STAG1: variants seen among roughly 807,000 people sequenced by gnomAD.
STAG1 encodes STAG1 cohesin complex component, also known as cohesin subunit SA-1.
Under a neutral mutation model 170.9 loss-of-function variants are expected in STAG1, and 26 were observed. The observed-to-expected ratio is 0.15, with a 90% confidence interval of 0.11 to 0.21. STAG1 has a LOEUF of 0.21. Among genes scored for constraint, STAG1 ranks in the 10% least tolerant of loss-of-function variants. The pLI is 1.00. For missense variants in STAG1, 964 were observed against 1,509.5 expected (o/e 0.64, Z 5.99); for synonymous variants, 514 against 497.7 (o/e 1.03, Z -0.44).
At chr3:136,408,587 C>T (rs933466205) in intron 21 of STAG1, among the ~76,000 whole-genome samples, 5 of 151,678 alleles carry the variant, frequency 3.3e-5, no homozygotes, top group African/African-American at 1.2e-4. Flanking sequence ...TAAAAGAGTA[C>T]GGCAAGAAGA....
At chr3:136,675,313 T>G (rs907993319) in intron 1 of STAG1, among the ~76,000 whole-genome samples, 5 of 152,170 alleles carry the variant, frequency 3.3e-5, no homozygotes, top group Non-Finnish European at 7.4e-5. Flanking sequence ...CTTCCAATGC[T>G]TGGAGCCACA....
Position 136,623,386 on chromosome 3 carries a change from C to G in STAG1, c.30-138G>C, listed in dbSNP as rs978670519. 5 of 601,970 alleles carry G rather than the reference C, an allele frequency of 8.3e-6. No homozygotes were observed. In the Admixed American group the frequency reaches 1.1e-4, roughly 13 times the overall value. The allele number at this position is 601,970 out of a possible 1,614,324, so 37.3% of individuals were successfully genotyped here. On this transcript the variant is annotated intron_variant, in intron 2 of 33. Transcript: ENST00000383202. ...ACTTTCAGAGAAACTCTCTAGCAAA[C>G]TAAAAATGTTATCCTCCCTTCCTAA...
chr3:136,471,391 A>G (rs569845576), intron 12 of STAG1, among the ~76,000 whole-genome samples: 2 of 152,346 alleles, frequency 1.3e-5, no homozygotes, highest in African/African-American at 2.4e-5. Context: ...TTTAAAATTC[A>G]TATCAAACAA....
intron 4 of STAG1, among the ~76,000 whole-genome samples, chr3:136,595,715 TAAATAAATAAATAAG>T: frequency 8.0e-6 from 1 of 125,654 alleles, no homozygotes. Context: ...AATAAATAAA[TAAATAAATAAATAAG>T]AACTTTCTTT....
chr3:136,738,689 T>C (rs144253685), intron 1 of STAG1, among the ~76,000 whole-genome samples: 69 of 152,234 alleles, frequency 4.5e-4, no homozygotes, highest in African/African-American at 1.6e-3. Context: ...AAATTTTCAT[T>C]AGACAGGAGG....
intron 4 of STAG1, among the ~76,000 whole-genome samples, chr3:136,604,012 GTTAC>G (rs1938814790): frequency 6.6e-6 from 1 of 151,844 alleles, no homozygotes; most frequent in Non-Finnish European, 1.5e-5. Context: ...AGACACATGT[GTTAC>G]TTACACTAAA....
At chr3:136,613,173 C>T (rs898709102) in intron 3 of STAG1, among the ~76,000 whole-genome samples, 6 of 151,754 alleles carry the variant, frequency 4.0e-5, no homozygotes, top group Non-Finnish European at 7.4e-5. Flanking sequence ...GGTGTGGTGG[C>T]GGGTGCCTGT....
chr3:136,474,412 AC>A (rs2089695654), intron 10 of STAG1, among the ~76,000 whole-genome samples: 2 of 152,306 alleles, frequency 1.3e-5, no homozygotes, highest in South Asian at 4.1e-4. Context: ...ATTATTAATC[AC>A]CCTGATACTC....
chr3:136,716,053 G>A (rs1943533259), intron 1 of STAG1, among the ~76,000 whole-genome samples: 1 of 151,680 alleles, frequency 6.6e-6, no homozygotes, highest in South Asian at 2.1e-4. Context: ...AGCCACGATG[G>A]CGCCACTGCA....
chr3:136,559,733 C>CA (rs1445321535), intron 5 of STAG1, among the ~76,000 whole-genome samples: 1 of 152,226 alleles, frequency 6.6e-6, no homozygotes, highest in Non-Finnish European at 1.5e-5. Context: ...GCAATCTCAA[C>CA]ATCTGGTCCT....
At chr3:136,580,025 T>G (rs1180918188) in intron 4 of STAG1, among the ~76,000 whole-genome samples, 1 of 131,144 alleles carries the variant, frequency 7.6e-6, no homozygotes, top group Non-Finnish European at 1.5e-5. Context: ...TGGAGTCCAG[T>G]GGTGCGATCT....
intron 26 of STAG1, among the ~76,000 whole-genome samples, chr3:136,360,064 T>C (rs1936801744): frequency 6.6e-6 from 1 of 152,110 alleles, no homozygotes; most frequent in South Asian, 2.1e-4. Context: ...CTGGGTGGAG[T>C]TTTATAAATT....
chr3:136,563,761 C>G (rs1033949664), intron 5 of STAG1, among the ~76,000 whole-genome samples: 1 of 152,150 alleles, frequency 6.6e-6, no homozygotes, highest in East Asian at 1.9e-4. Flanking sequence ...TGGCTCATGC[C>G]TGTAATCCCA....
chr3:136,498,233 T>TATATATATATATATAC lies in STAG1; in HGVS notation c.902+1989_902+1990insGTATATATATATATAT. Among the ~76,000 whole-genome samples, 362 of 57,380 alleles carry TATATATATATATATAC rather than the reference T, an allele frequency of 6.3e-3. 23 individuals carry two copies. The highest frequency in any genetic ancestry group is 0.026 in the East Asian group (12 of 458). 37.6% of individuals were successfully genotyped at this position (57,380 alleles called of 152,430 possible). ...AATTATATATATATATATATATATA[T>TATATATATATATATAC]ACACATACATATACATACACACACA... On this transcript the variant is annotated intron_variant, in intron 9 of 33. Coordinates refer to ENST00000383202, the MANE Select transcript of STAG1 (RefSeq NM_005862.3).
intron 1 of STAG1, among the ~76,000 whole-genome samples, chr3:136,701,895 A>T (rs1193810328): frequency 6.6e-6 from 1 of 152,146 alleles, no homozygotes; most frequent in African/African-American, 2.4e-5. Flanking sequence ...CTTTTCCCCC[A>T]GAGTTTTACT....
chr3:136,604,523 T>C, intron 3 of STAG1, 50 bp from the exon 4 acceptor site: 1 of 1,493,258 alleles, frequency 6.7e-7, no homozygotes, highest in East Asian at 2.3e-5. Flanking sequence ...TACTTTGCTT[T>C]ATATAAAATG....
intron 1 of STAG1, among the ~76,000 whole-genome samples, chr3:136,671,165 T>C (rs1326918061): frequency 1.3e-5 from 2 of 151,844 alleles, no homozygotes; most frequent in Non-Finnish European, 2.9e-5. Context: ...CAGCCTGTAA[T>C]CCCAACTACT....
intron 10 of STAG1, among the ~76,000 whole-genome samples, chr3:136,474,585 T>C (rs559817207): frequency 2.8e-4 from 42 of 152,336 alleles, no homozygotes; most frequent in African/African-American, 9.9e-4. Flanking sequence ...ATTGATGAGA[T>C]GTCAATGAAC....
intron 28 of STAG1, among the ~76,000 whole-genome samples, chr3:136,349,581 C>A (rs1426779311): frequency 2.0e-5 from 3 of 152,032 alleles, no homozygotes; most frequent in African/African-American, 7.2e-5. Flanking sequence ...GAGTGTATTA[C>A]CTAAGGGTGT....
Sources: gnomAD v4.1 joint callset for allele counts (sites outside exome capture counted in the v4.1 genomes callset) on GRCh38, gnomAD v4.1.1 for gene constraint, MANE v1.5 for transcripts, NCBI Gene and HGNC (gene_info 2026-07-23, HGNC 2026-07-21) for gene names.